The following TGIF1 variants were observed in gnomAD, a reference collection of about 807,000 sequenced individuals.
The protein encoded by TGIF1 is TGFB induced factor homeobox 1.
A neutral mutation model predicts 19.3 loss-of-function variants in TGIF1; 4 were observed. That is an observed-to-expected ratio of 0.21 (90% CI 0.10 to 0.47). The LOEUF is 0.47. Among genes scored for constraint, TGIF1 ranks in the 20% least tolerant of loss-of-function variants. The pLI is 0.98. For missense variants in TGIF1, 275 were observed against 341.4 expected (o/e 0.81, Z 1.53); for synonymous variants, 122 against 129.3 (o/e 0.94, Z 0.38).
rs561713051 is a variant in TGIF1 at position 3,432,208 on chromosome 18, C to T, written c.-45+13993C>T. On this transcript the variant is annotated intron_variant, in intron 2 of 3. Transcript: ENST00000401449. ...GATATATCTGTCCAAAATGCACAGC[C>T]TCAATCTAATCATGAGGAAACATGG... Among the ~76,000 whole-genome samples the T allele has an allele frequency of 5.3e-5, 8 of 151,606 alleles. No homozygotes were observed. The South Asian group carries it at 1.7e-3, about 32-fold the overall frequency.
upstream of TGIF1, chr18:3,448,090 T>A: frequency 3.1e-6 from 3 of 958,188 alleles, no homozygotes; most frequent in Non-Finnish European, 3.7e-6. Flanking sequence ...GGAGGTAGGG[T>A]TAAACCGACC....
In TGIF1 at chr18:3,457,234, A is replaced by G; in HGVS notation, c.244-131A>G. 9.6e-7 allele frequency: 1 copy of G among 1,037,040 alleles called. No homozygotes were observed. Among genetic ancestry groups the G allele is most frequent in the Admixed American group, 2.0e-5 (1 of 49,100 alleles). 64.2% of individuals were successfully genotyped at this position (1,037,040 alleles called of 1,614,324 possible). On this transcript the variant is annotated intron_variant, in intron 2 of 2. Coordinates refer to ENST00000343820, the MANE Select transcript of TGIF1 (RefSeq NM_003244.4). This position sits in a 1 kb window ranked among gnomAD's most constrained non-coding sequence, Gnocchi z 4.9. ...TCAGATACCTTGAAATAACATTGTA[A>G]ATTCAGATAAGGCTTTTCATGCTTT...
At chr18:3,453,671 A>T (rs1007707798) in intron 1 of TGIF1, 299 of 430,700 alleles carry the variant, frequency 6.9e-4, no homozygotes, top group Non-Finnish European at 8.5e-4. Flanking sequence ...GGGTGACAAG[A>T]GCGAAACTCT....
At position 3,457,764 on chromosome 18, in the gene TGIF1, T is replaced by C; in HGVS notation, c.643T>C (p.Tyr215His). The change falls in exon 3 of 3, where the codon TAC becomes CAC. Residue 215 changes from tyrosine to histidine, a missense_variant. By Grantham distance (83) the Tyr-to-His change is moderately conservative (BLOSUM62 2). Coordinates refer to ENST00000343820, the MANE Select transcript of TGIF1 (RefSeq NM_003244.4). The surrounding 1 kb of genome is among the most constrained non-coding windows in gnomAD (Gnocchi z 4.9). ...AKNFTDTSLM[Y>H]PEDTCKSGPS... Reference sequence around the variant, plus strand: ...AAACTTCACAGACACCTCTCTCATGTACCCAGAGGACACTTGTAAATCTGG... The same window carrying C: ...AAACTTCACAGACACCTCTCTCATGCACCCAGAGGACACTTGTAAATCTGG... 4 of 1,614,186 alleles carry C rather than the reference T, an allele frequency of 2.5e-6. No homozygotes were observed. Among genetic ancestry groups the C allele is most frequent in the Non-Finnish European group, 3.4e-6 (4 of 1,180,038 alleles).
At chr18:3,422,234 C>G (rs1014009443) in intron 2 of TGIF1, among the ~76,000 whole-genome samples, 13 of 144,956 alleles carry the variant, frequency 9.0e-5, no homozygotes, top group Non-Finnish European at 4.5e-5. Flanking sequence ...GATCCTGACC[C>G]TGTGTAGGCC....
chr18:3,445,722 T>A (rs1346684854), upstream of TGIF1, among the ~76,000 whole-genome samples: 1 of 2,522 alleles, frequency 4.0e-4, no homozygotes, highest in Non-Finnish European at 7.0e-4. Context: ...AGACTCTGTC[T>A]CAAAAAAAAA....
upstream of TGIF1, among the ~76,000 whole-genome samples, chr18:3,445,517 T>G (rs370752579): frequency 5.3e-5 from 8 of 150,928 alleles, no homozygotes; most frequent in South Asian, 2.1e-4. Flanking sequence ...GAGGTCAGGA[T>G]ATCGAGACCA....
chr18:3,427,864 G>C (rs951770229), intron 2 of TGIF1, among the ~76,000 whole-genome samples: 10 of 152,120 alleles, frequency 6.6e-5, no homozygotes, highest in Admixed American at 2.0e-4. Context: ...CCTCCCAAAG[G>C]GATGGGATTA....
At position 3,451,459 on chromosome 18, in the gene TGIF1, G is replaced by A; in HGVS notation, c.16+954G>A. Reference sequence around the variant, plus strand: ...GGCTGGGAGGTCCCCCGAGTGTTCCGCTGTGGGCTGGAGGTGGCGTTTCTG... The same window carrying A: ...GGCTGGGAGGTCCCCCGAGTGTTCCACTGTGGGCTGGAGGTGGCGTTTCTG... On this transcript the variant is annotated intron_variant, in intron 1 of 2. Coordinates refer to ENST00000343820, the MANE Select transcript of TGIF1 (RefSeq NM_003244.4). The surrounding 1 kb of genome is among the most constrained non-coding windows in gnomAD (Gnocchi z 5.4). 4 of 987,324 alleles carry A rather than the reference G, an allele frequency of 4.1e-6. No homozygotes were observed. Among genetic ancestry groups the A allele is most frequent in the Non-Finnish European group, 4.8e-6 (4 of 831,282 alleles). 61.2% of individuals were successfully genotyped at this position (987,324 alleles called of 1,614,324 possible). A position where few individuals can be genotyped will look rare whatever the true frequency, so the allele number is the denominator to read the frequency against.
chr18:3,447,539 G>A, upstream of TGIF1: 2 of 676,442 alleles, frequency 3.0e-6, no homozygotes, highest in South Asian at 3.2e-5. Flanking sequence ...CCTTTGTTAC[G>A]TTGCGCTGAC....
chr18:3,459,413 ATGT>A lies in TGIF1; in HGVS notation c.*1477_*1479del, dbSNP rs1479538475. 6.6e-6 allele frequency: 1 copy of A among 152,188 alleles called. No homozygotes were observed. The highest frequency in any genetic ancestry group is 1.5e-5 in the Non-Finnish European group (1 of 68,028). 9.4% of individuals were successfully genotyped at this position (152,188 alleles called of 1,614,324 possible). On this transcript the variant is annotated 3_prime_UTR_variant, in exon 3 of 3. Coordinates refer to ENST00000343820, the MANE Select transcript of TGIF1 (RefSeq NM_003244.4). The stretch of plus-strand genomic sequence containing the variant: ...AGGCGTAAGAAAATTAGGTGAGGGA[ATGT>A]TGTGCTCTAGCCTGTGGGGTGCAGC...
Position 3,458,192 on chromosome 18 carries a change from C to A in TGIF1, c.*252C>A. On this transcript the variant is annotated 3_prime_UTR_variant, in exon 3 of 3. Coordinates refer to ENST00000343820, the MANE Select transcript of TGIF1 (RefSeq NM_003244.4). ...ATTATTCATAATGTGAGATGGTTCC[C>A]AATATCATGTGATTTTTTTTTTCCT... 2.1e-6 allele frequency: 1 copy of A among 466,344 alleles called. No individual in the cohort carries two copies. Among genetic ancestry groups the A allele is most frequent in the Non-Finnish European group, 3.8e-6 (1 of 266,414 alleles). 28.9% of individuals were successfully genotyped at this position (466,344 alleles called of 1,614,324 possible). A position where few individuals can be genotyped will look rare whatever the true frequency, so the allele number is the denominator to read the frequency against.
chr18:3,448,703 A>AGG, upstream of TGIF1: 4 of 545,460 alleles, frequency 7.3e-6, no homozygotes, highest in Non-Finnish European at 8.9e-6. Flanking sequence ...CACGCATTCT[A>AGG]GGGGCGGGGG....
At chr18:3,428,092 C>T (rs1053807582) in intron 2 of TGIF1, among the ~76,000 whole-genome samples, 6 of 152,132 alleles carry the variant, frequency 3.9e-5, no homozygotes, top group Non-Finnish European at 5.9e-5. Context: ...TGATGTGGAA[C>T]GGATGCAGAT....
At chr18:3,452,483 T>A in intron 1 of TGIF1, 1 of 1,550,304 alleles carries the variant, frequency 6.5e-7, no homozygotes, top group Non-Finnish European at 8.8e-7. Context: ...TAGGTTTCCC[T>A]GGCGAGTCGT....
chr18:3,431,375 G>A (rs1019805755), intron 2 of TGIF1, among the ~76,000 whole-genome samples: 3 of 152,112 alleles, frequency 2.0e-5, no homozygotes, highest in Non-Finnish European at 4.4e-5. Context: ...GGTGGAGGTC[G>A]TAGTGAGCAG....
rs1568054224 is a variant in TGIF1, at chr18:3,456,762, G to A, written c.243+182G>A. ...CTATTTAGAGAACACAGAAACACTT[G>A]ACAGTCATCTATCAGATAGCATTTC... On this transcript the variant is annotated intron_variant, in intron 2 of 2. Coordinates refer to ENST00000343820, the MANE Select transcript of TGIF1 (RefSeq NM_003244.4). This position sits in a 1 kb window ranked among gnomAD's most constrained non-coding sequence, Gnocchi z 4.2. 2.8e-6 allele frequency: 2 copies of A among 704,214 alleles called. No homozygotes were observed. The highest frequency in any genetic ancestry group is 2.6e-6 in the Non-Finnish European group (1 of 391,192). The allele number at this position is 704,214 out of a possible 1,614,324, so 43.6% of individuals were successfully genotyped here.
At chr18:3,450,876 A>T (rs900027273) in intron 1 of TGIF1, among the ~76,000 whole-genome samples, 4 of 151,220 alleles carry the variant, frequency 2.6e-5, no homozygotes, top group African/African-American at 9.8e-5. Flanking sequence ...AGTAGGGAGG[A>T]CCCAGCCCCT....
chr18:3,451,719 T>C lies in TGIF1; in HGVS notation c.16+1214T>C. On this transcript the variant is annotated intron_variant, in intron 1 of 2. Coordinates refer to ENST00000343820, the MANE Select transcript of TGIF1 (RefSeq NM_003244.4). This position sits in a 1 kb window ranked among gnomAD's most constrained non-coding sequence, Gnocchi z 5.4. Reference sequence around the variant, plus strand: ...GCGGAGCTTCCCTCTGCCTCCAGGCTTTCCCAGCGAGAGTGAAATTAAACT... The same window carrying C: ...GCGGAGCTTCCCTCTGCCTCCAGGCCTTCCCAGCGAGAGTGAAATTAAACT... 4 of 1,237,128 alleles carry C rather than the reference T, an allele frequency of 3.2e-6. No individual in the cohort carries two copies. The highest frequency in any genetic ancestry group is 3.0e-6 in the Non-Finnish European group (3 of 990,612). The allele number at this position is 1,237,128 out of a possible 1,614,324, so 76.6% of individuals were successfully genotyped here. A position where few individuals can be genotyped will look rare whatever the true frequency, so the allele number is the denominator to read the frequency against.
Sources: gnomAD v4.1 joint callset for allele counts (sites outside exome capture counted in the v4.1 genomes callset) on GRCh38, gnomAD v4.1.1 for gene constraint, Gnocchi (gnomAD v3.1) non-coding constraint, MANE v1.5 for transcripts, NCBI Gene and HGNC (gene_info 2026-07-23, HGNC 2026-07-21) for gene names.